Variants in ADCYAP1R1 observed in about 807,000 individuals in gnomAD.
The protein encoded by ADCYAP1R1 is ADCYAP receptor type I.
In ADCYAP1R1, 44 loss-of-function variants were observed where a neutral mutation model predicts 67.6. The ratio of observed to expected loss-of-function variants is 0.65; its 90% confidence interval spans 0.51 to 0.84. The LOEUF is 0.84. Among genes scored for constraint, ADCYAP1R1 ranks in the 40% least tolerant of loss-of-function variants. ADCYAP1R1 has a pLI of 0.00. For missense variants in ADCYAP1R1, 477 were observed against 587.9 expected, an observed-to-expected ratio of 0.81 and a Z score of 1.95; for synonymous variants, 222 against 219.6, an observed-to-expected ratio of 1.01 and a Z score of -0.10.
At chr7:31,095,883 G>A (rs913732230) in intron 13 of ADCYAP1R1, 35 of 623,994 alleles carry the variant, frequency 5.6e-5, no homozygotes, top group Middle Eastern at 4.2e-4. Flanking sequence ...TGAGCCACTC[G>A]TCCTCTCTGA....
At chr7:31,093,428 C>T (rs1214905812) in intron 13 of ADCYAP1R1, among the ~76,000 whole-genome samples, 2 of 152,210 alleles carry the variant, frequency 1.3e-5, no homozygotes, top group African/African-American at 4.8e-5. Context: ...TCCCTAACAG[C>T]CTATCTTTGC....
At chr7:31,068,941 T>A (rs999480899) in intron 3 of ADCYAP1R1, among the ~76,000 whole-genome samples, 2 of 152,210 alleles carry the variant, frequency 1.3e-5, no homozygotes, top group Non-Finnish European at 1.5e-5. Context: ...TGGCTCCAAA[T>A]TAAACACACT....
chr7:31,093,499 C>T (rs1796055088), intron 13 of ADCYAP1R1, among the ~76,000 whole-genome samples: 1 of 152,104 alleles, frequency 6.6e-6, no homozygotes, highest in Admixed American at 6.5e-5. Flanking sequence ...TAGCAGCTTC[C>T]ACCTCCCATC....
At chr7:31,069,416 A>G (rs1382215593) in intron 3 of ADCYAP1R1, among the ~76,000 whole-genome samples, 1 of 152,232 alleles carries the variant, frequency 6.6e-6, no homozygotes. Context: ...AACACACTTG[A>G]AAAAGGAAAC....
At chr7:31,103,789 A>G (rs1796530366) in intron 14 of ADCYAP1R1, among the ~76,000 whole-genome samples, 1 of 152,128 alleles carries the variant, frequency 6.6e-6, no homozygotes, top group Non-Finnish European at 1.5e-5. Flanking sequence ...GCACAAATGC[A>G]TGAGCAAACA....
chr7:31,093,463 G>A (rs758826562), intron 13 of ADCYAP1R1, among the ~76,000 whole-genome samples: 12 of 152,014 alleles, frequency 7.9e-5, no homozygotes, highest in Middle Eastern at 3.4e-3. Context: ...TTCTCTCTCC[G>A]CCCTGTCTCA....
rs1201871321 is a variant in ADCYAP1R1 at position 31,111,407 on chromosome 7, C to G, written c.*4723C>G. The G allele has an allele frequency of 6.6e-6, 1 of 152,162 alleles. No individual in the cohort carries two copies. Among genetic ancestry groups the G allele is most frequent in the Non-Finnish European group, 1.5e-5 (1 of 68,050 alleles). 9.4% of individuals were successfully genotyped at this position (152,162 alleles called of 1,614,324 possible). ...GCTGCTGCCATTAATGCTGTGCTCA[C>G]TATCTTGTCCAGGATTTTAAGGATG... On this transcript the variant is annotated 3_prime_UTR_variant, in exon 16 of 16. Transcript: ENST00000304166.
intron 12 of ADCYAP1R1, 129 bp downstream of exon 12, chr7:31,087,825 G>C: frequency 1.6e-6 from 1 of 639,600 alleles, no homozygotes. Flanking sequence ...ATTATAATCT[G>C]TAACAGGGAT....
chr7:31,077,582 ATG>A (rs1281663568), intron 3 of ADCYAP1R1, among the ~76,000 whole-genome samples: 1 of 112,698 alleles, frequency 8.9e-6, no homozygotes, highest in East Asian at 2.8e-4. Context: ...TGTGTGTTGT[ATG>A]TGTGTGTGAT....
intron 3 of ADCYAP1R1, among the ~76,000 whole-genome samples, chr7:31,068,637 A>C (rs976463053): frequency 6.6e-6 from 1 of 152,202 alleles, no homozygotes; most frequent in Non-Finnish European, 1.5e-5. Flanking sequence ...CCAGGAGAGA[A>C]TGAGGTCTCG....
intron 6 of ADCYAP1R1, among the ~76,000 whole-genome samples, chr7:31,083,287 A>G (rs1007123369): frequency 5.9e-5 from 9 of 152,190 alleles, no homozygotes; most frequent in Non-Finnish European, 1.3e-4. Context: ...ATTATAAACC[A>G]TCGGGTGAAG....
Position 31,109,438 on chromosome 7 carries a change from T to A in ADCYAP1R1, c.*2754T>A, listed in dbSNP as rs955972081. On this transcript the variant is annotated 3_prime_UTR_variant, in exon 16 of 16. Transcript: ENST00000304166. ...CTCTGTCTAAACACCAGCCATCTAC[T>A]TGGAATGGGCCCCAGGACTGTGGTA... The A allele has an allele frequency of 6.6e-6, 1 of 152,186 alleles. No homozygotes were observed. Among genetic ancestry groups the A allele is most frequent in the African/African-American group, 2.4e-5 (1 of 41,436 alleles). 9.4% of individuals were successfully genotyped at this position (152,186 alleles called of 1,614,324 possible).
intron 15 of ADCYAP1R1, among the ~76,000 whole-genome samples, chr7:31,105,683 C>T (rs1323488945): frequency 1.3e-5 from 2 of 152,160 alleles, no homozygotes; most frequent in Non-Finnish European, 2.9e-5. Context: ...TCTGTGATCG[C>T]CCAGACAACC....
intron 4 of ADCYAP1R1, among the ~76,000 whole-genome samples, chr7:31,078,902 G>A (rs1365212157): frequency 6.6e-6 from 1 of 152,192 alleles, no homozygotes; most frequent in African/African-American, 2.4e-5. Context: ...AGGCTGGGTG[G>A]GTGCGGTGTC....
chr7:31,097,124 C>T (rs978737685), intron 13 of ADCYAP1R1, among the ~76,000 whole-genome samples: 12 of 152,228 alleles, frequency 7.9e-5, no homozygotes, highest in Admixed American at 6.5e-5. Context: ...GAAGCTGTGG[C>T]GTAGCCAGCC....
At chr7:31,093,556 G>T (rs1175576851) in intron 13 of ADCYAP1R1, among the ~76,000 whole-genome samples, 2 of 152,132 alleles carry the variant, frequency 1.3e-5, no homozygotes, top group Non-Finnish European at 2.9e-5. Context: ...TGGGGTATGA[G>T]GACATTTCTG....
At chr7:31,087,587 C>T in intron 11 of ADCYAP1R1, 40 bp from the exon 12 acceptor site, 1 of 1,598,620 alleles carries the variant, frequency 6.3e-7, no homozygotes, top group Non-Finnish European at 8.6e-7. Flanking sequence ...ATGCTGCCGA[C>T]TCACAGACGT....
chr7:31,093,747 C>A (rs1584530901), intron 13 of ADCYAP1R1, among the ~76,000 whole-genome samples: 1 of 152,198 alleles, frequency 6.6e-6, no homozygotes, highest in East Asian at 1.9e-4. Flanking sequence ...CACTGGGTGC[C>A]TCATTGGGTC....
intron 13 of ADCYAP1R1, among the ~76,000 whole-genome samples, chr7:31,096,147 C>T (rs6964402): frequency 0.13 from 19,105 of 152,012 alleles, 2,535 homozygotes; most frequent in African/African-American, 0.33. Flanking sequence ...ATTAACTGTT[C>T]GGGGAGAGCC....
Sources: allele counts gnomAD v4.1 joint callset (sites outside exome capture counted in the v4.1 genomes callset), GRCh38; gene constraint gnomAD v4.1.1; transcripts MANE v1.5; gene names NCBI Gene and HGNC (gene_info 2026-07-23, HGNC 2026-07-21).